CACNA1D: variants seen among roughly 807,000 people sequenced by gnomAD.
The protein encoded by CACNA1D is voltage-dependent L-type calcium channel subunit alpha-1D.
CACNA1D carries 55 observed loss-of-function variants against 257.1 expected under a neutral mutation model. The observed-to-expected ratio is 0.21, with a 90% CI of 0.17 to 0.27. The LOEUF is 0.27. Among genes scored for constraint, CACNA1D ranks in the 10% least tolerant of loss-of-function variants. The probability of loss-of-function intolerance (pLI) is 1.00; values close to 1 mark genes in which losing one functional copy is unlikely to be tolerated. For missense variants in CACNA1D, 1,876 were observed against 2,784.0 expected (o/e 0.67, Z 7.34); for synonymous variants, 980 against 1,014.9 (o/e 0.97, Z 0.65).
chr3:53,536,238 G>A (rs1419288204), intron 3 of CACNA1D, among the ~76,000 whole-genome samples: 1 of 152,118 alleles, frequency 6.6e-6, no homozygotes, highest in East Asian at 1.9e-4. Flanking sequence ...TACAGCTTAA[G>A]TCATGTAATT....
chr3:53,547,483 T>A (rs2092436719), intron 3 of CACNA1D, among the ~76,000 whole-genome samples: 1 of 152,242 alleles, frequency 6.6e-6, no homozygotes, highest in Non-Finnish European at 1.5e-5. Flanking sequence ...CCCCTCATCT[T>A]GGGCTTTGTC....
intron 3 of CACNA1D, among the ~76,000 whole-genome samples, chr3:53,584,898 G>C (rs1356687428): frequency 6.6e-6 from 1 of 151,550 alleles, no homozygotes; most frequent in African/African-American, 2.4e-5. Flanking sequence ...TGGTGGGAGG[G>C]TGGGAAGGGA....
chr3:53,602,503 C>T (rs1384451177), intron 3 of CACNA1D, among the ~76,000 whole-genome samples: 1 of 152,168 alleles, frequency 6.6e-6, no homozygotes, highest in Admixed American at 6.5e-5. Flanking sequence ...TATGATAGTT[C>T]TATTTTTAGT....
chr3:53,694,400 G>A (rs923690261), intron 8 of CACNA1D, among the ~76,000 whole-genome samples: 4 of 152,192 alleles, frequency 2.6e-5, no homozygotes, highest in Non-Finnish European at 5.9e-5. Flanking sequence ...TCAGAGTGCA[G>A]TAGTGAGCAG....
intron 3 of CACNA1D, among the ~76,000 whole-genome samples, chr3:53,517,751 G>A (rs966487846): frequency 6.6e-6 from 1 of 152,042 alleles, no homozygotes; most frequent in Non-Finnish European, 1.5e-5. Context: ...CAAAGTGCTG[G>A]GATTACAGGC....
intron 3 of CACNA1D, among the ~76,000 whole-genome samples, chr3:53,598,974 G>A (rs1459127942): frequency 6.6e-6 from 1 of 150,380 alleles, no homozygotes. Flanking sequence ...AAGTAAATAA[G>A]TAAGTTTTGG....
intron 7 of CACNA1D, among the ~76,000 whole-genome samples, chr3:53,670,512 T>G (rs1301385825): frequency 6.6e-6 from 1 of 152,056 alleles, no homozygotes; most frequent in African/African-American, 2.4e-5. Context: ...GCCCAGCTAA[T>G]TTTTGTATTT....
chr3:53,538,708 A>G (rs1010539770), intron 3 of CACNA1D, among the ~76,000 whole-genome samples: 3 of 152,086 alleles, frequency 2.0e-5, no homozygotes, highest in Admixed American at 6.6e-5. Flanking sequence ...TTTTGGATTC[A>G]TCTTACACAT....
intron 37 of CACNA1D, 54 bp from the exon 38 acceptor site, chr3:53,779,972 T>C (rs1257775157): frequency 8.6e-7 from 1 of 1,169,250 alleles, no homozygotes; most frequent in African/African-American, 1.5e-5. Context: ...CAAAAGGATA[T>C]GGTCGTGGTC....
At chr3:53,717,222 T>G (rs2094828953) in intron 9 of CACNA1D, among the ~76,000 whole-genome samples, 1 of 152,212 alleles carries the variant, frequency 6.6e-6, no homozygotes, top group Non-Finnish European at 1.5e-5. Context: ...CTCTTTTACC[T>G]CTGCACCCCG....
At chr3:53,562,384 A>G (rs1292006677) in intron 3 of CACNA1D, among the ~76,000 whole-genome samples, 3 of 152,188 alleles carry the variant, frequency 2.0e-5, no homozygotes, top group Non-Finnish European at 4.4e-5. Context: ...TACAGTCCAT[A>G]TTCTCTGATA....
chr3:53,496,636 G>GA (rs1278738274), intron 1 of CACNA1D, among the ~76,000 whole-genome samples: 3 of 151,930 alleles, frequency 2.0e-5, no homozygotes, highest in African/African-American at 4.8e-5. Context: ...TTTCGGTACT[G>GA]AAAAAAATGC....
chr3:53,597,293 C>T (rs2093382707), intron 3 of CACNA1D, among the ~76,000 whole-genome samples: 1 of 152,182 alleles, frequency 6.6e-6, no homozygotes, highest in Admixed American at 6.5e-5. Flanking sequence ...AGTGAATCAT[C>T]AGCTAGGTTG....
intron 44 of CACNA1D, 70 bp downstream of exon 44, chr3:53,803,642 C>T: frequency 1.3e-6 from 2 of 1,514,004 alleles, no homozygotes; most frequent in Non-Finnish European, 9.1e-7. Context: ...CTCCGGAAGC[C>T]AGGGCCACCG....
rs1239896472 is a variant in CACNA1D, at chr3:53,525,186, T to C, written c.483+23466T>C. ...TGGCAAGGACTCTGGGCCGAATATT[T>C]AGGGCTTGGCTCTTGCTCCCTCTAC... On this transcript the variant is annotated intron_variant, in intron 3 of 47. Coordinates refer to ENST00000350061, the MANE Select transcript of CACNA1D (RefSeq NM_001128840.3). 2.6e-5 allele frequency among the ~76,000 whole-genome samples: 4 copies of C among 152,350 alleles called. No individual in the cohort carries two copies. In the South Asian group the frequency reaches 8.3e-4, roughly 32 times the overall value.
chr3:53,717,535 C>T (rs2094832589), intron 9 of CACNA1D, among the ~76,000 whole-genome samples: 2 of 152,236 alleles, frequency 1.3e-5, no homozygotes, highest in African/African-American at 4.8e-5. Context: ...TCCTCTACTT[C>T]CGCTCAGGAT....
chr3:53,747,476 G>A, intron 26 of CACNA1D, 28 bp downstream of exon 26: 1 of 1,613,078 alleles, frequency 6.2e-7, no homozygotes, highest in Non-Finnish European at 8.5e-7. Context: ...ACAGTCTTCT[G>A]GAGAGGCACC....
In CACNA1D at chr3:53,743,046, C is replaced by T; in HGVS notation, c.2847C>T (p.Ala949=). 1 of 1,613,650 alleles carries T rather than the reference C, an allele frequency of 6.2e-7. No homozygotes were observed. The highest frequency in any genetic ancestry group is 8.5e-7 in the Non-Finnish European group (1 of 1,179,570). Residue 949 remains alanine (A), a synonymous_variant, in exon 22 of 48, where the codon GCC becomes GCT. Coordinates refer to ENST00000350061, the MANE Select transcript of CACNA1D (RefSeq NM_001128840.3). ...TTGGAGCTTTCCTCCACAAAGGGGC[C>T]TTCTGCAGGAACTACTTCAATTTGC... ...TTFGAFLHKG[A]FCRNYFNLLD...
chr3:53,748,768 T>G (rs1463671218), intron 26 of CACNA1D, among the ~76,000 whole-genome samples: 1 of 152,164 alleles, frequency 6.6e-6, no homozygotes, highest in Non-Finnish European at 1.5e-5. Context: ...GTGTTGAATC[T>G]GCATCAGAAT....
Sources: allele counts gnomAD v4.1 joint callset (sites outside exome capture counted in the v4.1 genomes callset), GRCh38; gene constraint gnomAD v4.1.1; transcripts MANE v1.5; gene names NCBI Gene and HGNC (gene_info 2026-07-23, HGNC 2026-07-21).